Variants in CENPV observed in about 807,000 individuals in gnomAD.
The protein encoded by CENPV is nuclear protein p30.
CENPV carries 15 observed loss-of-function variants against 26.4 expected under a neutral mutation model. The observed-to-expected ratio is 0.57, with a 90% CI of 0.38 to 0.88. The LOEUF (loss-of-function observed/expected upper bound fraction) is 0.88, where lower values mean the gene tolerates loss of function less well. Ranked by LOEUF, CENPV falls within the 40% of genes least tolerant of loss-of-function variation. The probability of loss-of-function intolerance (pLI) is 0.00; values close to 1 mark genes in which losing one functional copy is unlikely to be tolerated. For synonymous variants in CENPV, 172 were observed against 165.5 expected (o/e 1.04, Z -0.30); for missense variants, 336 against 376.5 (o/e 0.89, Z 0.89).
At chr17:16,346,560 G>A (rs1287557734) in intron 3 of CENPV, among the ~76,000 whole-genome samples, 3 of 152,096 alleles carry the variant, frequency 2.0e-5, no homozygotes, top group African/African-American at 4.8e-5. Flanking sequence ...AGACCAGCCT[G>A]GCCAACATGG....
chr17:16,351,065 T>G (rs2093226839), intron 1 of CENPV: 1 of 152,096 alleles, frequency 6.6e-6, no homozygotes, highest in African/African-American at 2.4e-5. Flanking sequence ...CCCGAGTAGC[T>G]GGGATTACAG....
chr17:16,345,927 T>C (rs1004120905), intron 3 of CENPV, among the ~76,000 whole-genome samples: 2 of 152,200 alleles, frequency 1.3e-5, no homozygotes, highest in African/African-American at 4.8e-5. Context: ...CCAGACGTCA[T>C]AGACAGGCTA....
chr17:16,349,079 C>A (rs1568867901), intron 2 of CENPV: 1 of 992,970 alleles, frequency 1.0e-6, no homozygotes, highest in African/African-American at 1.7e-5. Flanking sequence ...AGGTTTCCCT[C>A]TTTCTTCATC....
At position 16,353,214 on chromosome 17, in the gene CENPV, G is replaced by C; in HGVS notation, c.223C>G (p.Pro75Ala). Residue 75 changes from proline to alanine, a missense_variant, in exon 1 of 5, where the codon CCG (proline) becomes GCG (alanine). Physicochemically the swap from Pro to Ala is conservative, Grantham distance 27. This residue lies in a region of CENPV where 181 missense variants were observed against 148.8 expected (regional missense o/e 1.22). Coordinates refer to ENST00000299736, the MANE Select transcript of CENPV (RefSeq NM_181716.3). ...AGCTCAGGCGGCGGCGGCTCCCCCG[G>C]GCCCTCCTCCTGGGCCCGCGGCGAC... Reference protein sequence around the residue: ...RSSPRAQEEGPGEPPPPELAL... With the variant: ...RSSPRAQEEGAGEPPPPELAL... 7.2e-7 allele frequency: 1 copy of C among 1,382,828 alleles called. No homozygotes were observed. The highest frequency in any genetic ancestry group is 1.5e-5 in the African/African-American group (1 of 65,988). 85.7% of individuals were successfully genotyped at this position (1,382,828 alleles called of 1,614,324 possible). A position where few individuals can be genotyped will look rare whatever the true frequency, so the allele number is the denominator to read the frequency against.
In CENPV at chr17:16,353,277, C is replaced by T. The variant is rs750221283; in HGVS notation, c.160G>A (p.Glu54Lys). Residue 54 changes from glutamate (E) to lysine (K), a missense_variant, in exon 1 of 5, where the codon GAG (glutamate) becomes AAG (lysine). Physicochemically the swap from Glu to Lys is moderately conservative, Grantham distance 56 (BLOSUM62 1). Coordinates refer to ENST00000299736, the MANE Select transcript of CENPV (RefSeq NM_181716.3). ...CGCGGCTTCTCCGACGGCGGCTTCT[C>T]CACCGCCTGGCTCTTGCTCCCGGCC... ...SQAGSKSQAV[E>K]KPPSEKPRLR... 52 of 1,421,576 alleles carry T rather than the reference C, an allele frequency of 3.7e-5. No homozygotes were observed. The highest frequency in any genetic ancestry group is 8.5e-5 in the South Asian group (6 of 70,314). The allele number at this position is 1,421,576 out of a possible 1,614,324, so 88.1% of individuals were successfully genotyped here.
Position 16,353,371 on chromosome 17 carries a change from C to G in CENPV, c.66G>C (p.Ala22=). The G allele has an allele frequency of 8.1e-7, 1 of 1,236,118 alleles. No homozygotes were observed. Among genetic ancestry groups the G allele is most frequent in the South Asian group, 2.9e-5 (1 of 34,982 alleles). 76.6% of individuals were successfully genotyped at this position (1,236,118 alleles called of 1,614,324 possible). A position where few individuals can be genotyped will look rare whatever the true frequency, so the allele number is the denominator to read the frequency against. The part of the protein sequence containing the change: ...LRGQKRSGAS[A]APAASAAAAL... ...CAGCGGCCGCGGAGGCCGCGGGGGC[C>G]GCGGAGGCCCCGGACCGCTTCTGCC... The change falls in exon 1 of 5, where the codon GCG becomes GCC. Residue 22 remains alanine, a synonymous_variant. Coordinates refer to ENST00000299736, the MANE Select transcript of CENPV (RefSeq NM_181716.3).
intron 2 of CENPV, 91 bp downstream of exon 2, chr17:16,349,840 C>A: frequency 6.5e-7 from 1 of 1,532,628 alleles, no homozygotes; most frequent in South Asian, 1.3e-5. Flanking sequence ...CCAATGTTTC[C>A]TCTGTACCCC....
chr17:16,352,877 A>G, intron 1 of CENPV, 150 bp downstream of exon 1: 1 of 1,157,074 alleles, frequency 8.6e-7, no homozygotes, highest in South Asian at 2.0e-5. Flanking sequence ...GAATAACCCC[A>G]GTGCTAACGG....
At chr17:16,346,332 T>C (rs2093206291) in intron 3 of CENPV, among the ~76,000 whole-genome samples, 1 of 152,182 alleles carries the variant, frequency 6.6e-6, no homozygotes, top group African/African-American at 2.4e-5. Flanking sequence ...AAATTGAAAA[T>C]GTCCCTCAAT....
Position 16,344,723 on chromosome 17 carries a change from C to T in CENPV, c.580-12G>A, listed in dbSNP as rs776557846. 2 of 1,438,628 alleles carry T rather than the reference C, an allele frequency of 1.4e-6. No individual in the cohort carries two copies. Among genetic ancestry groups the T allele is most frequent in the Non-Finnish European group, 1.9e-6 (2 of 1,048,212 alleles). The allele number at this position is 1,438,628 out of a possible 1,614,324, so 89.1% of individuals were successfully genotyped here. On this transcript the variant is annotated splice_polypyrimidine_tract_variant and intron_variant, in intron 3 of 4. Transcript: ENST00000299736. Reference sequence around the variant, plus strand: ...ATGTGCTCAGCTCCCTAGGTGAAAACAGACAAACGGTATTCTTTTTTACAA... The same window carrying T: ...ATGTGCTCAGCTCCCTAGGTGAAAATAGACAAACGGTATTCTTTTTTACAA...
chr17:16,351,395 G>A (rs1320352358), intron 1 of CENPV: 2 of 152,146 alleles, frequency 1.3e-5, no homozygotes, highest in African/African-American at 4.8e-5. Flanking sequence ...AATAATTATA[G>A]GAAAAATAGC....
chr17:16,352,631 G>A (rs1236255417), intron 1 of CENPV, among the ~76,000 whole-genome samples: 1 of 152,166 alleles, frequency 6.6e-6, no homozygotes, highest in African/African-American at 2.4e-5. Flanking sequence ...AAAAAAAAGG[G>A]GATTCGGGTA....
At position 16,342,785 on chromosome 17, in the gene CENPV, TTCCTCCTTTTCAGG is replaced by T; in HGVS notation, c.*18_*31del. The T allele has an allele frequency of 6.2e-7, 1 of 1,613,088 alleles. No homozygotes were observed. Among genetic ancestry groups the T allele is most frequent in the Non-Finnish European group, 8.5e-7 (1 of 1,179,492 alleles). On this transcript the variant is annotated 3_prime_UTR_variant, in exon 5 of 5. Transcript: ENST00000299736. The stretch of plus-strand genomic sequence containing the variant: ...AGAGCAAAGTTGCTGGCCCCAATCA[TTCCTCCTTTTCAGG>T]GCAGGAGAGGCAGAAGCTCACTCTT...
At chr17:16,348,489 C>T (rs561415278) in intron 3 of CENPV, 127 bp downstream of exon 3, 64 of 1,520,986 alleles carry the variant, frequency 4.2e-5, no homozygotes, top group Non-Finnish European at 5.3e-5. Context: ...AACCAAAGCC[C>T]GTGAGAGGCC....
At chr17:16,348,539 G>C in intron 3 of CENPV, 77 bp downstream of exon 3, 1 of 1,598,650 alleles carries the variant, frequency 6.3e-7, no homozygotes, top group Non-Finnish European at 8.6e-7. Flanking sequence ...CAGACGGCAT[G>C]CTAACAGTTG....
In CENPV at chr17:16,353,457, C is replaced by G. The variant is rs1016290299; in HGVS notation, c.-21G>C. On this transcript the variant is annotated 5_prime_UTR_variant, in exon 1 of 5. Transcript: ENST00000299736. Reference sequence around the variant, plus strand: ...CGCATGGCTCCCGCAGCCTGGCGCGCAGGCCTCGCAGCGCGGCGCGCCCCC... The same window carrying G: ...CGCATGGCTCCCGCAGCCTGGCGCGGAGGCCTCGCAGCGCGGCGCGCCCCC... The G allele has an allele frequency of 9.2e-7, 1 of 1,084,088 alleles. No homozygotes were observed. Among genetic ancestry groups the G allele is most frequent in the African/African-American group, 1.7e-5 (1 of 59,146 alleles). 67.2% of individuals were successfully genotyped at this position (1,084,088 alleles called of 1,614,324 possible).
In CENPV at chr17:16,342,541, A is replaced by G. The variant is rs763576945; in HGVS notation, c.*276T>C. On this transcript the variant is annotated 3_prime_UTR_variant, in exon 5 of 5. Coordinates refer to ENST00000299736, the MANE Select transcript of CENPV (RefSeq NM_181716.3). ...ATGATAAACCAAAGTGACTGCTTTA[A>G]TGTTAAAAATATTTATTTTTTTTCC... is the stretch of plus-strand genomic sequence containing the variant. The G allele has an allele frequency of 3.6e-6, 2 of 558,774 alleles. No individual in the cohort carries two copies. The highest frequency in any genetic ancestry group is 6.4e-6 in the Non-Finnish European group (2 of 314,862). The allele number at this position is 558,774 out of a possible 1,614,324, so 34.6% of individuals were successfully genotyped here. A position where few individuals can be genotyped will look rare whatever the true frequency, so the allele number is the denominator to read the frequency against.
chr17:16,351,497 C>T (rs2093228924), intron 1 of CENPV: 1 of 152,108 alleles, frequency 6.6e-6, no homozygotes, highest in Non-Finnish European at 1.5e-5. Context: ...ACACATAATG[C>T]TTATTGTAAA....
intron 3 of CENPV, 120 bp downstream of exon 3, chr17:16,348,496 G>A (rs2093216720): frequency 1.6e-5 from 25 of 1,532,246 alleles, no homozygotes; most frequent in South Asian, 1.6e-4. Flanking sequence ...GCCCGTGAGA[G>A]GCCCTGCTAT....
Sources: gnomAD v4.1 joint callset for allele counts (sites outside exome capture counted in the v4.1 genomes callset) on GRCh38, gnomAD v4.1.1 for gene constraint, gnomAD v4.1.1 regional missense constraint, MANE v1.5 for transcripts, NCBI Gene and HGNC (gene_info 2026-07-23, HGNC 2026-07-21) for gene names.